Variants in DHTKD1 observed in about 807,000 individuals in gnomAD.
DHTKD1 encodes dehydrogenase E1 and transketolase domain containing 1, also known as 2-oxoadipate dehydrogenase complex component E1.
In DHTKD1, 78 loss-of-function variants were observed where a neutral mutation model predicts 101.8. The observed-to-expected ratio is 0.77, with a 90% confidence interval of 0.64 to 0.93. The LOEUF (loss-of-function observed/expected upper bound fraction) is 0.93. DHTKD1 is among the 40% of genes least tolerant of loss of function. The pLI is 0.00. For synonymous variants in DHTKD1, 462 were observed against 450.3 expected (o/e 1.03, Z -0.33); for missense variants, 1,223 against 1,161.7 (o/e 1.05, Z -0.77).
chr10:12,107,900 C>G lies in DHTKD1; in HGVS notation c.2048-9C>G, dbSNP rs780863890. On this transcript the variant is annotated splice_polypyrimidine_tract_variant and intron_variant, in intron 11 of 16. Coordinates refer to ENST00000263035, the MANE Select transcript of DHTKD1 (RefSeq NM_018706.7). This position sits in a 1 kb window ranked among gnomAD's most constrained non-coding sequence, Gnocchi z 4.1. ...TAGAGCTCTTACTCCCCACGTGGTA[C>G]TTTTCCAGGAGAGGCCAAGTGGCTC... 6.3e-7 allele frequency: 1 copy of G among 1,598,128 alleles called. No homozygotes were observed. The highest frequency in any genetic ancestry group is 8.6e-7 in the Non-Finnish European group (1 of 1,165,746).
intron 8 of DHTKD1, among the ~76,000 whole-genome samples, chr10:12,098,445 A>G (rs2062986): frequency 0.74 from 112,245 of 152,132 alleles, 42,056 homozygotes; most frequent in South Asian, 0.88. Flanking sequence ...ACCCTGGTGG[A>G]CCTGGGACTT....
rs142511121 is a variant in DHTKD1 at position 12,089,265 on chromosome 10, G to A, written c.987+10G>A. 34 of 1,610,552 alleles carry A rather than the reference G, an allele frequency of 2.1e-5. No homozygotes were observed. Among genetic ancestry groups the A allele is most frequent in the Non-Finnish European group, 2.7e-5 (32 of 1,177,876 alleles). On this transcript the variant is annotated intron_variant, in intron 5 of 16. Transcript: ENST00000263035. ...GGTCATTTGCTTACAGGTACTTGGAGCTTCTGAAATTGAGGCCAGAGGTGG... is the reference window on the plus strand; with the variant it reads ...GGTCATTTGCTTACAGGTACTTGGAACTTCTGAAATTGAGGCCAGAGGTGG...
chr10:12,120,000 T>C (rs1393618866), intron 15 of DHTKD1, among the ~76,000 whole-genome samples, 182 bp from the exon 16 acceptor site: 1 of 152,214 alleles, frequency 6.6e-6, no homozygotes. Flanking sequence ...ATTTATCGAA[T>C]ACTGTACCAA....
chr10:12,108,638 A>G (rs1475558813), intron 12 of DHTKD1, among the ~76,000 whole-genome samples: 1 of 152,218 alleles, frequency 6.6e-6, no homozygotes, highest in Admixed American at 6.5e-5. Flanking sequence ...ATTTGGTGTG[A>G]ATCATTACAA....
At chr10:12,091,440 A>T in intron 5 of DHTKD1, 73 bp from the exon 6 acceptor site, 2 of 872,194 alleles carry the variant, frequency 2.3e-6, no homozygotes, top group South Asian at 2.4e-5. Flanking sequence ...AGTTATTCCA[A>T]CCTGAAAACC....
chr10:12,112,590 C>T (rs1833351019), intron 12 of DHTKD1, among the ~76,000 whole-genome samples: 1 of 151,944 alleles, frequency 6.6e-6, no homozygotes, highest in Admixed American at 6.6e-5. Flanking sequence ...CTGTCTTAAC[C>T]CTGTAGTAAT....
chr10:12,084,838 GT>G (rs1444497082), intron 3 of DHTKD1, 87 bp downstream of exon 3: 3 of 1,197,868 alleles, frequency 2.5e-6, no homozygotes, highest in Non-Finnish European at 3.6e-6. Flanking sequence ...ATCACCTGAG[GT>G]CAGGAGTTCA....
chr10:12,078,854 G>A (rs1218895016), intron 1 of DHTKD1, among the ~76,000 whole-genome samples: 1 of 151,980 alleles, frequency 6.6e-6, no homozygotes, highest in East Asian at 1.9e-4. Flanking sequence ...TAGTAGAGAT[G>A]GGATTTCACC....
chr10:12,086,605 A>C (rs1832906837), intron 3 of DHTKD1, among the ~76,000 whole-genome samples: 1 of 152,094 alleles, frequency 6.6e-6, no homozygotes, highest in African/African-American at 2.4e-5. Flanking sequence ...TTAAGGCATC[A>C]GCCACCGTGA....
chr10:12,111,798 G>A (rs958230556), intron 12 of DHTKD1, among the ~76,000 whole-genome samples: 2 of 152,112 alleles, frequency 1.3e-5, no homozygotes, highest in Non-Finnish European at 2.9e-5. Context: ...TGGGAAAGAA[G>A]GAGAATGAGT....
At chr10:12,104,085 G>A (rs1413498036) in intron 10 of DHTKD1, among the ~76,000 whole-genome samples, 1 of 152,182 alleles carries the variant, frequency 6.6e-6, no homozygotes, top group African/African-American at 2.4e-5. Flanking sequence ...TGTTTCATGT[G>A]ACTAGAACGG....
Position 12,081,474 on chromosome 10 carries a change from G to A in DHTKD1, c.157G>A (p.Asp53Asn). ...PQGALERPPV[D>N]HGLARLVTVY... The stretch of plus-strand genomic sequence containing the variant: ...TTTTAAATTTTCCCCTGATTTAGTT[G>A]ATCATGGCCTTGCCAGGTTGGTGAC... The change falls in exon 2 of 17, where the codon GAT becomes AAT. Residue 53 changes from aspartate to asparagine, a missense_variant and splice_region_variant. By Grantham distance (23) the Asp-to-Asn change is conservative. Transcript: ENST00000263035. The A allele has an allele frequency of 1.9e-6, 3 of 1,613,894 alleles. No individual in the cohort carries two copies. The highest frequency in any genetic ancestry group is 2.5e-6 in the Non-Finnish European group (3 of 1,179,872).
chr10:12,091,068 A>G (rs905499049), intron 5 of DHTKD1, among the ~76,000 whole-genome samples: 2 of 152,094 alleles, frequency 1.3e-5, no homozygotes, highest in African/African-American at 4.8e-5. Flanking sequence ...AAAAACAAAA[A>G]AAGATTGACT....
At chr10:12,102,751 C>T (rs180996263) in intron 10 of DHTKD1, among the ~76,000 whole-genome samples, 28 of 152,180 alleles carry the variant, frequency 1.8e-4, no homozygotes, top group East Asian at 7.8e-4. Flanking sequence ...TTATTTGAGA[C>T]GGAGCCTCAC....
At chr10:12,112,441 GC>G (rs749667070) in intron 12 of DHTKD1, among the ~76,000 whole-genome samples, 6 of 151,864 alleles carry the variant, frequency 4.0e-5, no homozygotes, top group Non-Finnish European at 8.8e-5. Flanking sequence ...TAACTTCCTT[GC>G]CCTCAATTTT....
intron 12 of DHTKD1, 64 bp downstream of exon 12, chr10:12,108,079 C>T: frequency 8.2e-7 from 1 of 1,226,844 alleles, no homozygotes; most frequent in Non-Finnish European, 1.2e-6. Context: ...TTTCTACCTC[C>T]TGCGGATAGC....
Position 12,100,180 on chromosome 10 carries a change from C to A in DHTKD1, c.1674C>A (p.Ser558=). The A allele has an allele frequency of 6.3e-7, 1 of 1,580,572 alleles. No individual in the cohort carries two copies. ...TTTTCTTCCTCTGAATTTTACAGTC[C>A]AGAATGGAGAAGATGATGGACGGAA... ...HSHLLKTHVQ[S]RMEKMMDGIK... is the part of the protein sequence containing the mutation. The change falls in exon 9 of 17, where the codon TCC becomes TCA. Residue 558 remains serine, a splice_region_variant and synonymous_variant. Coordinates refer to ENST00000263035, the MANE Select transcript of DHTKD1 (RefSeq NM_018706.7).
Position 12,122,850 on chromosome 10 carries a change from C to T in DHTKD1, c.*1962C>T, listed in dbSNP as rs1554795224. Reference sequence around the variant, plus strand: ...CATCTACTGTGCTTGTGTCATGATGCTTTTTCTCTGAAGTGGTGTGGGAAG... The same window carrying T: ...CATCTACTGTGCTTGTGTCATGATGTTTTTTCTCTGAAGTGGTGTGGGAAG... On this transcript the variant is annotated 3_prime_UTR_variant, in exon 17 of 17. Coordinates refer to ENST00000263035, the MANE Select transcript of DHTKD1 (RefSeq NM_018706.7). The T allele has an allele frequency of 6.6e-6, 1 of 152,134 alleles. No individual in the cohort carries two copies. The highest frequency in any genetic ancestry group is 1.5e-5 in the Non-Finnish European group (1 of 68,058). The allele number at this position is 152,134 out of a possible 1,614,324, so 9.4% of individuals were successfully genotyped here. A position where few individuals can be genotyped will look rare whatever the true frequency, so the allele number is the denominator to read the frequency against.
chr10:12,088,419 C>G (rs936143947), intron 4 of DHTKD1, among the ~76,000 whole-genome samples: 4 of 151,518 alleles, frequency 2.6e-5, no homozygotes, highest in Non-Finnish European at 5.9e-5. Flanking sequence ...CTGCAGTGAG[C>G]TGAGACTGTG....
Sources: allele counts gnomAD v4.1 joint callset (sites outside exome capture counted in the v4.1 genomes callset), GRCh38; gene constraint gnomAD v4.1.1; non-coding constraint Gnocchi (gnomAD v3.1); transcripts MANE v1.5; gene names NCBI Gene and HGNC (gene_info 2026-07-23, HGNC 2026-07-21).